The following RFC1 variants were observed in gnomAD, a reference collection of about 807,000 sequenced individuals.
RFC1 encodes the protein replication factor C subunit 1.
In RFC1, 37 loss-of-function variants were observed where a neutral mutation model predicts 137.4. The observed-to-expected ratio is 0.27, with a 90% CI of 0.21 to 0.35. The LOEUF (loss-of-function observed/expected upper bound fraction) is 0.35. Ranked by LOEUF, RFC1 falls within the 10% of genes least tolerant of loss-of-function variation. RFC1 has a pLI of 1.00. For synonymous variants in RFC1, 429 were observed against 455.7 expected (o/e 0.94, Z 0.75); for missense variants, 1,205 against 1,358.5 (o/e 0.89, Z 1.78).
chr4:39,315,798 A>G (rs1361020442), intron 10 of RFC1, among the ~76,000 whole-genome samples: 1 of 152,176 alleles, frequency 6.6e-6, no homozygotes, highest in Non-Finnish European at 1.5e-5. Flanking sequence ...GCTCCCCCAG[A>G]CCAGTCCCTA....
rs192649726 is a variant in RFC1, at chr4:39,355,168, A to T, written c.4-3692T>A. 4.1e-4 allele frequency among the ~76,000 whole-genome samples: 60 copies of T among 146,902 alleles called. 1 individual carries two copies. In the East Asian group the frequency reaches 0.011, roughly 26 times the overall value. ...CCAGGTGTGGTGGCTCACACCTGTA[A>T]TCCCAACACTTTGAGAGGCCAAGGC... On this transcript the variant is annotated intron_variant, in intron 1 of 24. Coordinates refer to ENST00000349703, the MANE Select transcript of RFC1 (RefSeq NM_002913.5).
intron 2 of RFC1, among the ~76,000 whole-genome samples, chr4:39,349,841 C>T (rs1166153848): frequency 2.6e-5 from 4 of 152,094 alleles, no homozygotes; most frequent in African/African-American, 9.7e-5. Flanking sequence ...CCCAACTCTA[C>T]TAAAAATACA....
chr4:39,365,634 T>C, intron 1 of RFC1: 1 of 260,330 alleles, frequency 3.8e-6, no homozygotes, highest in Non-Finnish European at 6.0e-6. Flanking sequence ...GCTGTACTTC[T>C]TTTTCCTAGT....
chr4:39,302,288 T>C lies in RFC1; in HGVS notation c.2525A>G (p.Asp842Gly), dbSNP rs765974271. 3.7e-6 allele frequency: 6 copies of C among 1,605,662 alleles called. No individual in the cohort carries two copies. Among genetic ancestry groups the C allele is most frequent in the Admixed American group, 1.7e-5 (1 of 60,020 alleles). The change falls in exon 19 of 25, where the codon GAT becomes GGT. Residue 842 changes from aspartate to glycine, a missense_variant. Physicochemically the swap from Asp to Gly is moderately conservative, Grantham distance 94 (BLOSUM62 -1). This residue lies in a region of RFC1 where 962 missense variants were observed against 1,035.3 expected (regional missense o/e 0.93). Coordinates refer to ENST00000349703, the MANE Select transcript of RFC1 (RefSeq NM_002913.5). The stretch of plus-strand genomic sequence containing the variant: ...GGACATTTATTTTACCATTTTGATA[T>C]CCTTTTTGGCTCTGTGAGAATCAGC... ...AKADSHRAKK[D>G]IKMGPFDVAR...
intron 22 of RFC1, among the ~76,000 whole-genome samples, chr4:39,293,854 AG>A (rs1231834584): frequency 6.6e-6 from 1 of 152,224 alleles, no homozygotes; most frequent in Non-Finnish European, 1.5e-5. Flanking sequence ...GCAGGAAAAC[AG>A]CAAGAGGCAG....
intron 23 of RFC1, among the ~76,000 whole-genome samples, chr4:39,290,310 T>C (rs913556888): frequency 1.3e-4 from 19 of 151,070 alleles, no homozygotes; most frequent in Non-Finnish European, 2.4e-4. Flanking sequence ...GAGGTGGAGG[T>C]TGCAGTGAGC....
intron 13 of RFC1, among the ~76,000 whole-genome samples, chr4:39,308,054 CAG>C (rs767276665): frequency 1.3e-5 from 2 of 152,162 alleles, no homozygotes; most frequent in Non-Finnish European, 2.9e-5. Context: ...ACAGAAACTA[CAG>C]AAGCACAGGC....
chr4:39,291,597 G>A (rs771917937), intron 23 of RFC1, 42 bp downstream of exon 23: 1 of 1,366,220 alleles, frequency 7.3e-7, no homozygotes, highest in African/African-American at 1.4e-5. Flanking sequence ...TACAAACCTG[G>A]TAATAGAAAG....
rs1229526080 is a variant in RFC1, at chr4:39,302,354, C to G, written c.2459G>C (p.Trp820Ser). 6 of 1,612,732 alleles carry G rather than the reference C, an allele frequency of 3.7e-6. No homozygotes were observed. Among genetic ancestry groups the G allele is most frequent in the Non-Finnish European group, 3.4e-6 (4 of 1,178,902 alleles). Residue 820 changes from tryptophan (W) to serine (S), a missense_variant, in exon 19 of 25, where the codon TGG (tryptophan) becomes TCG (serine). Trp to Ser is a radical substitution (Grantham distance 177, BLOSUM62 -3). Transcript: ENST00000349703. ...GGTTAATGCTTTACTTCGTGCACACCACATACTCAGATTATGTAAAACCTA... is the reference window on the plus strand; with the variant it reads ...GGTTAATGCTTTACTTCGTGCACACGACATACTCAGATTATGTAAAACCTA... ...IRQVLHNLSM[W>S]CARSKALTYD... is the part of the protein sequence containing the mutation.
intron 6 of RFC1, among the ~76,000 whole-genome samples, chr4:39,324,799 A>G (rs1207921084): frequency 6.6e-6 from 1 of 152,204 alleles, no homozygotes; most frequent in East Asian, 1.9e-4. Context: ...ATAAATGATA[A>G]TAGTAGCTAT....
At position 39,306,621 on chromosome 4, in the gene RFC1, TG is replaced by T. The variant is rs1278767527; in HGVS notation, c.1965del (p.Thr657ProfsTer18). On this transcript the variant is annotated frameshift_variant, in exon 14 of 25. Coordinates refer to ENST00000349703, the MANE Select transcript of RFC1 (RefSeq NM_002913.5). LOFTEE classifies it high-confidence loss of function. ...AALLSGPPGV[G>X]KTTTASLVCQ... is the part of the protein sequence containing the mutation. ...CACACCAGGGAAGCTGTGGTGGTTT[TG>T]CCAACACCAGGAGGGCCTGACAGCA... The T allele has an allele frequency of 6.2e-7, 1 of 1,611,794 alleles. No homozygotes were observed. Among genetic ancestry groups the T allele is most frequent in the African/African-American group, 1.3e-5 (1 of 75,006 alleles).
chr4:39,309,885 T>C (rs909915604), intron 12 of RFC1, among the ~76,000 whole-genome samples: 1 of 152,230 alleles, frequency 6.6e-6, no homozygotes, highest in Non-Finnish European at 1.5e-5. Context: ...AGTGGATGAA[T>C]GTTTAAGGAC....
intron 2 of RFC1, among the ~76,000 whole-genome samples, chr4:39,346,405 G>T (rs762634179): frequency 4.6e-5 from 7 of 152,034 alleles, no homozygotes; most frequent in Non-Finnish European, 7.4e-5. Context: ...GAACCTGGGG[G>T]GCAGAGGTTG....
chr4:39,290,737 C>T (rs1737627505), intron 23 of RFC1, among the ~76,000 whole-genome samples: 1 of 151,788 alleles, frequency 6.6e-6, no homozygotes, highest in Non-Finnish European at 1.5e-5. Context: ...ATGGCTTGAA[C>T]CCGGGAGGCA....
chr4:39,349,293 C>T (rs1470748186), intron 2 of RFC1, among the ~76,000 whole-genome samples: 4 of 152,122 alleles, frequency 2.6e-5, no homozygotes, highest in Admixed American at 1.3e-4. Flanking sequence ...AAAATTCACA[C>T]GTTGAAGCCC....
intron 13 of RFC1, among the ~76,000 whole-genome samples, chr4:39,307,120 A>T (rs1226767503): frequency 2.0e-5 from 3 of 152,168 alleles, no homozygotes; most frequent in African/African-American, 4.8e-5. Flanking sequence ...GGAGAACAAC[A>T]GTAAAGTTGC....
At chr4:39,300,183 A>C (rs1436965747) in intron 20 of RFC1, 45 bp from the exon 21 acceptor site, 1 of 1,608,776 alleles carries the variant, frequency 6.2e-7, no homozygotes, top group Non-Finnish European at 8.5e-7. Context: ...TCCACACCCC[A>C]GGTCCCTTCT....
At chr4:39,335,081 C>T (rs1430996661) in intron 4 of RFC1, among the ~76,000 whole-genome samples, 1 of 152,150 alleles carries the variant, frequency 6.6e-6, no homozygotes, top group Non-Finnish European at 1.5e-5. Flanking sequence ...ATTTTATTTT[C>T]TTTGGTCTAG....
chr4:39,336,924 T>C (rs192947925), intron 4 of RFC1, among the ~76,000 whole-genome samples: 1 of 152,298 alleles, frequency 6.6e-6, no homozygotes. Flanking sequence ...ATTTTAATAA[T>C]GATTCAGGAA....
Sources: allele counts gnomAD v4.1 joint callset (sites outside exome capture counted in the v4.1 genomes callset), GRCh38; gene constraint gnomAD v4.1.1; regional missense constraint gnomAD v4.1.1; transcripts MANE v1.5; gene names NCBI Gene and HGNC (gene_info 2026-07-23, HGNC 2026-07-21).